Variants in SPIDR observed in about 807,000 individuals in gnomAD.
SPIDR encodes scaffold protein involved in DNA repair.
Under a neutral mutation model 104.6 loss-of-function variants are expected in SPIDR, and 93 were observed. That is an observed-to-expected ratio of 0.89 (90% CI 0.75 to 1.06). The LOEUF (loss-of-function observed/expected upper bound fraction) is 1.06, where lower values mean the gene tolerates loss of function less well. SPIDR is among the 50% of genes least tolerant of loss of function. SPIDR has a pLI of 0.00. For synonymous variants in SPIDR, 431 were observed against 416.9 expected, an observed-to-expected ratio of 1.03 and a Z score of -0.41; for missense variants, 1,154 against 1,111.2, an observed-to-expected ratio of 1.04 and a Z score of -0.55.
chr8:47,486,579 A>G (rs1190077081), intron 8 of SPIDR, among the ~76,000 whole-genome samples: 1 of 152,222 alleles, frequency 6.6e-6, no homozygotes, highest in Non-Finnish European at 1.5e-5. Flanking sequence ...TGGAGGAAAA[A>G]ATGTTAAGAG....
At chr8:47,551,619 CTTTTTATTAT>C (rs1341683856) in intron 8 of SPIDR, among the ~76,000 whole-genome samples, 6 of 152,012 alleles carry the variant, frequency 3.9e-5, no homozygotes, top group Admixed American at 3.3e-4. Context: ...TGGTGATATC[CTTTTTATTAT>C]TTTTTATTAC....
At chr8:47,592,385 T>C in intron 8 of SPIDR, 7 of 1,328,524 alleles carry the variant, frequency 5.3e-6, no homozygotes, top group Non-Finnish European at 7.6e-6. Context: ...TGATAAATTT[T>C]GGTCATGAAA....
intron 5 of SPIDR, chr8:47,361,090 GGT>G (rs1190695550): frequency 1.5e-6 from 1 of 668,284 alleles, no homozygotes; most frequent in East Asian, 1.3e-4. Context: ...CTTAAAAGAA[GGT>G]AGCAAAAGTC....
chr8:47,503,387 G>T (rs550576189), intron 8 of SPIDR, among the ~76,000 whole-genome samples: 15 of 152,234 alleles, frequency 9.9e-5, no homozygotes, highest in African/African-American at 3.4e-4. Context: ...TTACCATTAT[G>T]TAATGGCCTT....
intron 12 of SPIDR, among the ~76,000 whole-genome samples, chr8:47,701,019 G>A (rs1334299069): frequency 6.6e-6 from 1 of 152,194 alleles, no homozygotes; most frequent in Non-Finnish European, 1.5e-5. Context: ...GCCTTTTCCA[G>A]CAGGCTAGCC....
At chr8:47,681,930 A>G (rs2077141791) in intron 11 of SPIDR, among the ~76,000 whole-genome samples, 1 of 152,198 alleles carries the variant, frequency 6.6e-6, no homozygotes, top group Non-Finnish European at 1.5e-5. Flanking sequence ...TAGTTTCTTC[A>G]TTTTAATTAG....
chr8:47,560,405 G>A (rs2056912758), intron 8 of SPIDR, among the ~76,000 whole-genome samples: 1 of 152,172 alleles, frequency 6.6e-6, no homozygotes, highest in South Asian at 2.1e-4. Flanking sequence ...GGGTAGCCTG[G>A]TGTGCCCTTT....
At chr8:47,659,720 CT>C in intron 10 of SPIDR, 1 of 985,278 alleles carries the variant, frequency 1.0e-6, no homozygotes, top group Non-Finnish European at 1.2e-6. Context: ...CCCATGCTCC[CT>C]TTTTTTCTCT....
chr8:47,606,822 T>C (rs1006590467), intron 10 of SPIDR, among the ~76,000 whole-genome samples: 1 of 152,228 alleles, frequency 6.6e-6, no homozygotes, highest in African/African-American at 2.4e-5. Flanking sequence ...GTTACTTTTC[T>C]TCCCACTAAA....
At chr8:47,573,125 G>T (rs983140578) in intron 8 of SPIDR, among the ~76,000 whole-genome samples, 1 of 152,152 alleles carries the variant, frequency 6.6e-6, no homozygotes, top group African/African-American at 2.4e-5. Flanking sequence ...AAAATGAGTT[G>T]TCTAAATTAT....
intron 5 of SPIDR, among the ~76,000 whole-genome samples, chr8:47,337,423 A>G (rs983520863): frequency 6.6e-6 from 1 of 151,930 alleles, no homozygotes; most frequent in Non-Finnish European, 1.5e-5. Context: ...GAGCCACCAC[A>G]CCTGGCCTTT....
At chr8:47,719,568 C>G (rs961418591) in intron 16 of SPIDR, among the ~76,000 whole-genome samples, 1 of 152,124 alleles carries the variant, frequency 6.6e-6, no homozygotes, top group Non-Finnish European at 1.5e-5. Flanking sequence ...TGATTACGGC[C>G]AGCATTGCCA....
chr8:47,581,718 C>G (rs963684418), intron 8 of SPIDR, among the ~76,000 whole-genome samples: 30 of 152,048 alleles, frequency 2.0e-4, no homozygotes, highest in Non-Finnish European at 7.4e-5. Flanking sequence ...TCAATCTATC[C>G]CCCTTTAGAT....
At position 47,690,035 on chromosome 8, in the gene SPIDR, G is replaced by A. The variant is rs190062889; in HGVS notation, c.1686-10368G>A. 9.4e-3 allele frequency among the ~76,000 whole-genome samples: 1,433 copies of A among 151,944 alleles called. 15 individuals are homozygous for A. Among genetic ancestry groups the A allele is most frequent in the African/African-American group, 0.028 (1,140 of 41,334 alleles). ...ACAAGCATTTTTGTTAAGTATCAGA[G>A]CACACTTATAATATTTGGTTAAAAA... On this transcript the variant is annotated intron_variant, in intron 11 of 19. Transcript: ENST00000297423.
intron 5 of SPIDR, among the ~76,000 whole-genome samples, chr8:47,361,178 G>C (rs1554629733): frequency 6.6e-6 from 1 of 152,184 alleles, no homozygotes; most frequent in Non-Finnish European, 1.5e-5. Flanking sequence ...CCTACTTCTA[G>C]AACTTGTGGT....
At chr8:47,434,974 ATTTTTTTTCT>A (rs567555602) in intron 7 of SPIDR, among the ~76,000 whole-genome samples, 23 of 150,822 alleles carry the variant, frequency 1.5e-4, no homozygotes, top group African/African-American at 4.9e-4. Flanking sequence ...TCTTTTTTTC[ATTTTTTTTCT>A]TTTTTTTGAG....
chr8:47,552,219 A>G (rs2090617085), intron 8 of SPIDR, among the ~76,000 whole-genome samples: 1 of 152,150 alleles, frequency 6.6e-6, no homozygotes, highest in Non-Finnish European at 1.5e-5. Context: ...AATAAGTGCG[A>G]TGTGGTGCTG....
At chr8:47,634,164 C>A (rs556335665) in intron 10 of SPIDR, among the ~76,000 whole-genome samples, 152 of 125,540 alleles carry the variant, frequency 1.2e-3, no homozygotes, top group Non-Finnish European at 2.3e-3. Flanking sequence ...TGAAAAACAA[C>A]GAAAAAAGGG....
intron 1 of SPIDR, among the ~76,000 whole-genome samples, chr8:47,278,495 A>G (rs2037053635): frequency 6.6e-6 from 1 of 151,810 alleles, no homozygotes; most frequent in Non-Finnish European, 1.5e-5. Context: ...AATTCTAAAA[A>G]AAATTTGTAG....
Sources: allele counts gnomAD v4.1 joint callset (sites outside exome capture counted in the v4.1 genomes callset), GRCh38; gene constraint gnomAD v4.1.1; transcripts MANE v1.5; gene names NCBI Gene and HGNC (gene_info 2026-07-23, HGNC 2026-07-21).